KAZN: variants seen among roughly 807,000 people sequenced by gnomAD.
KAZN encodes the protein kazrin, periplakin interacting protein.
In KAZN, 40 loss-of-function variants were observed where a neutral mutation model predicts 87.4. The ratio of observed to expected loss-of-function variants is 0.46; its 90% confidence interval spans 0.36 to 0.60. The LOEUF (loss-of-function observed/expected upper bound fraction) is 0.60. Ranked by LOEUF, KAZN falls within the 20% of genes least tolerant of loss-of-function variation. The probability of loss-of-function intolerance (pLI) is 0.00; values close to 1 mark genes in which losing one functional copy is unlikely to be tolerated. For missense variants in KAZN, 898 were observed against 1,073.9 expected, an observed-to-expected ratio of 0.84 and a Z score of 2.29; for synonymous variants, 466 against 458.3, an observed-to-expected ratio of 1.02 and a Z score of -0.22.
At chr1:14,662,483 C>T (rs935092934) in intron 1 of KAZN, among the ~76,000 whole-genome samples, 2 of 152,140 alleles carry the variant, frequency 1.3e-5, no homozygotes, top group Non-Finnish European at 2.9e-5. Context: ...TGTGGGAGGA[C>T]GAAGTTCAGC....
chr1:14,912,539 C>A (rs566273557), intron 1 of KAZN, among the ~76,000 whole-genome samples: 3 of 152,268 alleles, frequency 2.0e-5, no homozygotes, highest in African/African-American at 7.2e-5. Context: ...CGCCACCATG[C>A]CCAGCTAATT....
intron 1 of KAZN, among the ~76,000 whole-genome samples, chr1:13,966,698 C>A (rs1641958340): frequency 6.6e-6 from 1 of 152,010 alleles, no homozygotes; most frequent in Non-Finnish European, 1.5e-5. Context: ...TTGAGATGTG[C>A]CGTAAGTGTA....
At chr1:13,991,136 G>A (rs902321899) in intron 1 of KAZN, among the ~76,000 whole-genome samples, 2 of 152,156 alleles carry the variant, frequency 1.3e-5, no homozygotes, top group Non-Finnish European at 2.9e-5. Flanking sequence ...CCAGCTCTTG[G>A]TGGGAGGAGT....
intron 2 of KAZN, among the ~76,000 whole-genome samples, chr1:14,976,688 C>A (rs767035322): frequency 2.2e-4 from 34 of 152,200 alleles, no homozygotes; most frequent in Non-Finnish European, 4.1e-4. Context: ...TGGGCATTGG[C>A]CGTCCTGGGA....
At chr1:14,177,811 T>A (rs567006754) in intron 1 of KAZN, among the ~76,000 whole-genome samples, 11 of 147,954 alleles carry the variant, frequency 7.4e-5, no homozygotes, top group Middle Eastern at 3.4e-3. Context: ...TTTTTTTTTT[T>A]AGTAATTTGA....
chr1:14,113,840 G>A (rs548787268), intron 1 of KAZN, among the ~76,000 whole-genome samples: 1 of 152,336 alleles, frequency 6.6e-6, no homozygotes, highest in Admixed American at 6.5e-5. Context: ...GGCTTTGCAT[G>A]GTGGAAACTC....
intron 4 of KAZN, among the ~76,000 whole-genome samples, chr1:15,053,683 G>T (rs1674652722): frequency 6.6e-6 from 1 of 152,232 alleles, no homozygotes; most frequent in East Asian, 1.9e-4. Context: ...GCCCACTGGA[G>T]AAGTCACTAA....
At chr1:14,808,454 G>A (rs1053852293) in intron 1 of KAZN, among the ~76,000 whole-genome samples, 3 of 151,012 alleles carry the variant, frequency 2.0e-5, no homozygotes, top group African/African-American at 7.3e-5. Context: ...GTGCCACCAC[G>A]GTCGGCTAAT....
intron 2 of KAZN, among the ~76,000 whole-genome samples, chr1:14,326,693 T>G: frequency 6.6e-6 from 1 of 152,218 alleles, no homozygotes. Context: ...TTCCCTGTGC[T>G]TGGGTCACCC....
intron 1 of KAZN, among the ~76,000 whole-genome samples, chr1:14,162,720 A>AT (rs1272710735): frequency 6.6e-6 from 1 of 151,258 alleles, no homozygotes; most frequent in Non-Finnish European, 1.5e-5. Context: ...AATTTTTTGT[A>AT]TTTTTAGTAG....
chr1:14,998,642 G>A (rs748971392), intron 2 of KAZN, among the ~76,000 whole-genome samples: 6 of 152,122 alleles, frequency 3.9e-5, no homozygotes, highest in Non-Finnish European at 7.3e-5. Context: ...TCTGCCTCCC[G>A]TGTTCAAGCC....
At chr1:14,421,647 T>C (rs1179446600) in intron 2 of KAZN, among the ~76,000 whole-genome samples, 1 of 152,194 alleles carries the variant, frequency 6.6e-6, no homozygotes, top group Non-Finnish European at 1.5e-5. Context: ...ATCCACAAGT[T>C]TGGAAAATTC....
In KAZN at chr1:14,542,790, A is replaced by G. The variant is rs114165159; in HGVS notation, c.250-56193A>G. Among the ~76,000 whole-genome samples, 1,327 of 152,278 alleles carry G rather than the reference A, an allele frequency of 8.7e-3. 22 individuals are homozygous for G. The highest frequency in any genetic ancestry group is 0.03 in the African/African-American group (1,233 of 41,562). On this transcript the variant is annotated intron_variant, in intron 2 of 16. Transcript: ENST00000636203. ...TTGTCTTTACCTCCTGCTCAACTTC[A>G]GTGTCGACTCACCCCGGGCAAGCGG...
chr1:14,855,148 G>A (rs1234388231), intron 1 of KAZN, among the ~76,000 whole-genome samples: 2 of 152,162 alleles, frequency 1.3e-5, no homozygotes, highest in Non-Finnish European at 1.5e-5. Context: ...ATTTACCAGG[G>A]CTGTTACCAG....
chr1:13,907,764 C>T (rs941092363), intron 1 of KAZN, among the ~76,000 whole-genome samples: 2 of 152,176 alleles, frequency 1.3e-5, no homozygotes, highest in African/African-American at 2.4e-5. Flanking sequence ...ACTGGCTTCT[C>T]ATGAAAGCTC....
At chr1:14,922,376 T>C (rs1658619566) in intron 1 of KAZN, among the ~76,000 whole-genome samples, 1 of 152,158 alleles carries the variant, frequency 6.6e-6, no homozygotes, top group Admixed American at 6.5e-5. Flanking sequence ...CTGCTCTGTC[T>C]GTTATCTCAG....
At chr1:14,171,670 T>A (rs1294190760) in intron 1 of KAZN, among the ~76,000 whole-genome samples, 7 of 152,200 alleles carry the variant, frequency 4.6e-5, no homozygotes, top group Admixed American at 2.0e-4. Context: ...ATGGACCATA[T>A]AAATGACAAG....
chr1:14,827,022 G>A (rs1380464862), intron 1 of KAZN, among the ~76,000 whole-genome samples: 1 of 152,214 alleles, frequency 6.6e-6, no homozygotes, highest in East Asian at 1.9e-4. Flanking sequence ...TGCCGTGAGG[G>A]CGGAATCAGA....
At chr1:14,089,962 A>T (rs1359842161) in intron 1 of KAZN, among the ~76,000 whole-genome samples, 2 of 151,988 alleles carry the variant, frequency 1.3e-5, no homozygotes, top group African/African-American at 2.4e-5. Context: ...ATAGCGTGTG[A>T]TGAGAAGTTT....
Sources: gnomAD v4.1 joint callset for allele counts (sites outside exome capture counted in the v4.1 genomes callset) on GRCh38, gnomAD v4.1.1 for gene constraint, MANE v1.5 for transcripts, NCBI Gene and HGNC (gene_info 2026-07-23, HGNC 2026-07-21) for gene names.